The following DCAF8L2 variants were observed in gnomAD, a reference collection of about 807,000 sequenced individuals.
The protein encoded by DCAF8L2 is DDB1- and CUL4-associated factor 8-like protein 2.
For synonymous variants in DCAF8L2, 200 were observed against 190.9 expected (o/e 1.05, Z -0.39); for missense variants, 430 against 490.7 (o/e 0.88, Z 1.17).
the DCAF8L2 span, among the ~76,000 whole-genome samples, chrX:27,530,096 A>T: frequency 1.8e-5 from 2 of 111,840 alleles, no homozygotes; most frequent in Middle Eastern, 4.6e-3. Context: ...TTATATGAAA[A>T]GAAAGCAGTT....
chrX:27,641,787 C>G (rs759846025), intron 2 of DCAF8L2, among the ~76,000 whole-genome samples: 16 of 109,912 alleles, frequency 1.5e-4, no homozygotes, highest in Non-Finnish European at 3.0e-4. Flanking sequence ...TGCTGTATTT[C>G]TATCTTTGTT....
At position 27,747,906 on chromosome X, in the gene DCAF8L2, A is replaced by G. The variant is rs774851804; in HGVS notation, c.1011A>G (p.Ser337=). The stretch of plus-strand genomic sequence containing the variant: ...ACTCTCCTTATAAGTTCCTCACTTC[A>G]GGTGAAGATGCTGTTGTCTTCACCA... The part of the protein sequence containing the change: ...EPDSPYKFLT[S]GEDAVVFTID... The change falls in exon 5 of 5, where the codon TCA becomes TCG. Residue 337 remains serine, a synonymous_variant. Coordinates refer to ENST00000451261, the MANE Select transcript of DCAF8L2 (RefSeq NM_001353450.2). 7.4e-6 allele frequency: 9 copies of G among 1,211,545 alleles called. No individual in the cohort carries two copies. In the Admixed American group the frequency reaches 1.7e-4, roughly 23 times the overall value.
At chrX:27,516,711 G>A in the DCAF8L2 span, among the ~76,000 whole-genome samples, 1 of 111,469 alleles carries the variant, frequency 9.0e-6, no homozygotes, top group African/African-American at 3.3e-5. Flanking sequence ...TGAGACTATC[G>A]TTATGAATTA....
the DCAF8L2 span, among the ~76,000 whole-genome samples, chrX:27,500,338 G>A: frequency 9.0e-6 from 1 of 111,453 alleles, no homozygotes; most frequent in Admixed American, 9.6e-5. Flanking sequence ...GGTAAAAATA[G>A]GAAAGATACA....
chrX:27,556,803 T>C, the DCAF8L2 span, among the ~76,000 whole-genome samples: 984 of 112,100 alleles, frequency 8.8e-3, 5 homozygotes, highest in African/African-American at 0.03. Flanking sequence ...CTGTTAGGAA[T>C]GTGCTGTGGG....
At chrX:27,499,319 A>G in the DCAF8L2 span, among the ~76,000 whole-genome samples, 1 of 112,053 alleles carries the variant, frequency 8.9e-6, no homozygotes, top group East Asian at 2.8e-4. Flanking sequence ...TTCCCTGGTG[A>G]TTAGTGAAGT....
At chrX:27,724,664 C>A (rs1932011310) in intron 4 of DCAF8L2, among the ~76,000 whole-genome samples, 1 of 111,197 alleles carries the variant, frequency 9.0e-6, no homozygotes, top group South Asian at 3.7e-4. Context: ...TTTGTCAATT[C>A]TTTTTTTAAA....
chrX:27,520,392 G>A, the DCAF8L2 span, among the ~76,000 whole-genome samples: 1 of 111,653 alleles, frequency 9.0e-6, no homozygotes, highest in African/African-American at 3.2e-5. Context: ...AGTGCATTTT[G>A]AAAGTTTCAT....
At chrX:27,566,471 C>T in the DCAF8L2 span, among the ~76,000 whole-genome samples, 1 of 110,235 alleles carries the variant, frequency 9.1e-6, no homozygotes, top group Admixed American at 9.8e-5. Flanking sequence ...TTTTAGTAAG[C>T]TATGTGTTTT....
chrX:27,741,260 T>C (rs147810333), intron 4 of DCAF8L2, among the ~76,000 whole-genome samples: 1,321 of 111,171 alleles, frequency 0.012, 16 homozygotes, highest in South Asian at 0.089. Context: ...TTTCCTGATA[T>C]AATTTGGATA....
intron 3 of DCAF8L2, among the ~76,000 whole-genome samples, chrX:27,683,143 A>G (rs1270574070): frequency 3.6e-5 from 4 of 111,956 alleles, no homozygotes; most frequent in Admixed American, 9.5e-5. Context: ...CTAAATTTCA[A>G]TTTCATACTG....
chrX:27,672,169 T>A (rs1032507310), intron 2 of DCAF8L2, among the ~76,000 whole-genome samples: 1 of 111,910 alleles, frequency 8.9e-6, no homozygotes, highest in Non-Finnish European at 1.9e-5. Context: ...TAAGCAAATA[T>A]ATTTACTGTA....
chrX:27,713,536 A>G lies in DCAF8L2; in HGVS notation c.-142-2552A>G, dbSNP rs758182077. On this transcript the variant is annotated intron_variant, in intron 3 of 4. Coordinates refer to ENST00000451261, the MANE Select transcript of DCAF8L2 (RefSeq NM_001353450.2). ...ATTTTCTGTAAAGGGGAACAGAGTA[A>G]TGGGGCAGTAATTGAAGGAGAAAAT... Among the ~76,000 whole-genome samples, 7 of 111,717 alleles carry G rather than the reference A, an allele frequency of 6.3e-5. No homozygotes were observed. The South Asian group carries it at 2.6e-3, about 41-fold the overall frequency.
intron 2 of DCAF8L2, among the ~76,000 whole-genome samples, chrX:27,652,090 G>A (rs1929175758): frequency 9.1e-6 from 1 of 110,033 alleles, no homozygotes; most frequent in Admixed American, 9.8e-5. Flanking sequence ...ATGAACCTAA[G>A]AAAAATTGAA....
At chrX:27,520,151 T>C in the DCAF8L2 span, among the ~76,000 whole-genome samples, 1 of 112,072 alleles carries the variant, frequency 8.9e-6, no homozygotes, top group East Asian at 2.8e-4. Context: ...CAAAAATCAA[T>C]TTATTTAATT....
At chrX:27,472,370 G>A in the DCAF8L2 span, among the ~76,000 whole-genome samples, 1 of 111,714 alleles carries the variant, frequency 9.0e-6, no homozygotes. Flanking sequence ...TAACCTCAAA[G>A]TATAAATATT....
At chrX:27,641,397 T>A (rs1928711759) in intron 2 of DCAF8L2, among the ~76,000 whole-genome samples, 1 of 111,471 alleles carries the variant, frequency 9.0e-6, no homozygotes, top group Non-Finnish European at 1.9e-5. Context: ...CTCCACTGTC[T>A]TCTTATTTGA....
At chrX:27,703,298 C>T (rs759240295) in intron 3 of DCAF8L2, among the ~76,000 whole-genome samples, 1 of 111,053 alleles carries the variant, frequency 9.0e-6, no homozygotes, top group African/African-American at 3.3e-5. Context: ...AAAATCGCAG[C>T]TGGCATTTTT....
chrX:27,502,338 ATATATATATATATATAT>A, the DCAF8L2 span, among the ~76,000 whole-genome samples: 7 of 27,560 alleles, frequency 2.5e-4, no homozygotes, highest in African/African-American at 5.7e-4. Flanking sequence ...AAAAAAAAAT[ATATATATATATATATAT>A]ATATATATAT....
Sources: gnomAD v4.1 joint callset for allele counts (sites outside exome capture counted in the v4.1 genomes callset) on GRCh38, gnomAD v4.1.1 for gene constraint, MANE v1.5 for transcripts, NCBI Gene and HGNC (gene_info 2026-07-23, HGNC 2026-07-21) for gene names.